PRKDC: variants seen among roughly 807,000 people sequenced by gnomAD.
The protein encoded by PRKDC is protein kinase, DNA-activated, catalytic subunit.
In PRKDC, 82 loss-of-function variants were observed where a neutral mutation model predicts 486.9. That is an observed-to-expected ratio of 0.17 (90% CI 0.14 to 0.20). The LOEUF (loss-of-function observed/expected upper bound fraction) is 0.20. Ranked by LOEUF, PRKDC falls within the 10% of genes least tolerant of loss-of-function variation. The probability of loss-of-function intolerance (pLI) is 1.00; values close to 1 mark genes in which losing one functional copy is unlikely to be tolerated. For missense variants in PRKDC, 4,504 were observed against 5,038.2 expected (o/e 0.89, Z 3.21); for synonymous variants, 1,895 against 1,837.0 (o/e 1.03, Z -0.81).
At chr8:47,939,441 G>A (rs1031406734) in intron 11 of PRKDC, 110 bp downstream of exon 11, 3 of 1,243,486 alleles carry the variant, frequency 2.4e-6, no homozygotes, top group Non-Finnish European at 3.4e-6. Flanking sequence ...TTATTCAAGG[G>A]TCTACTGTAT....
chr8:47,792,823 T>G (rs1439035225), intron 74 of PRKDC, among the ~76,000 whole-genome samples: 1 of 152,188 alleles, frequency 6.6e-6, no homozygotes, highest in Non-Finnish European at 1.5e-5. Flanking sequence ...ATGTTGACGT[T>G]TTGACGTATA....
chr8:47,782,193 T>C lies in PRKDC; in HGVS notation c.11458A>G (p.Met3820Val), dbSNP rs878894087. The C allele has an allele frequency of 6.2e-7, 1 of 1,613,768 alleles. No homozygotes were observed. The highest frequency in any genetic ancestry group is 1.7e-5 in the Admixed American group (1 of 59,996). The change falls in exon 80 of 86, where the codon ATG becomes GTG. Residue 3820 changes from methionine to valine, a missense_variant. By Grantham distance (21) the Met-to-Val change is conservative. Coordinates refer to ENST00000314191, the MANE Select transcript of PRKDC (RefSeq NM_006904.7). The surrounding 1 kb of genome is among the most constrained non-coding windows in gnomAD (Gnocchi z 4.9). Reference protein sequence around the residue: ...VTLKDLLLNTMSQEEKAAYLS... With the variant: ...VTLKDLLLNTVSQEEKAAYLS... ...TAAGCCGCCTTCTCCTCTTGGGACA[T>C]GGTGTTCAAAAGAAGGTCCTTCAAG...
intron 73 of PRKDC, among the ~76,000 whole-genome samples, chr8:47,796,191 T>A (rs545520865): frequency 1.1e-3 from 167 of 152,142 alleles, no homozygotes; most frequent in African/African-American, 3.7e-3. Context: ...CGGTAAAGAA[T>A]TTTTCAAATT....
At chr8:47,934,188 T>C (rs2090307373) in intron 14 of PRKDC, 98 bp from the exon 15 acceptor site, 12 of 1,374,216 alleles carry the variant, frequency 8.7e-6, no homozygotes, top group Non-Finnish European at 1.2e-5. Context: ...TAAATTAAAC[T>C]GCCACCCATA....
At chr8:47,885,875 G>A in intron 36 of PRKDC, 69 bp downstream of exon 36, 1 of 1,489,248 alleles carries the variant, frequency 6.7e-7, no homozygotes, top group Non-Finnish European at 9.3e-7. Context: ...CTGGGCGAAA[G>A]TGCAAGACTC....
Position 47,929,122 on chromosome 8 carries a change from G to A in PRKDC, c.2109C>T (p.Cys703=), listed in dbSNP as rs1397746607. 3 of 1,575,762 alleles carry A rather than the reference G, an allele frequency of 1.9e-6. No individual in the cohort carries two copies. The highest frequency in any genetic ancestry group is 1.2e-5 in the South Asian group (1 of 85,830). Reference sequence around the variant, plus strand: ...TGCCAAATTTCACAAATAAAGCAAAGCAAGAATACTTTTCTGGGTCTTCAG... The same window carrying A: ...TGCCAAATTTCACAAATAAAGCAAAACAAGAATACTTTTCTGGGTCTTCAG... ...HSPEDPEKYS[C]FALFVKFGKE... is the part of the protein sequence containing the mutation. The change falls in exon 19 of 86, where the codon TGC becomes TGT. Residue 703 remains cysteine, a synonymous_variant. Transcript: ENST00000314191.
At chr8:47,814,153 G>T (rs760646642) in intron 68 of PRKDC, among the ~76,000 whole-genome samples, 13 of 152,142 alleles carry the variant, frequency 8.5e-5, no homozygotes, top group Non-Finnish European at 1.8e-4. Context: ...TGCAGAAAAA[G>T]TGTTTGATAA....
intron 74 of PRKDC, among the ~76,000 whole-genome samples, chr8:47,792,703 C>A (rs2086902501): frequency 6.6e-6 from 1 of 152,092 alleles, no homozygotes; most frequent in Admixed American, 6.6e-5. Flanking sequence ...ATGCCTGTAT[C>A]AAAATATCCC....
At chr8:47,851,209 T>C (rs555190556) in intron 52 of PRKDC, among the ~76,000 whole-genome samples, 47 of 152,384 alleles carry the variant, frequency 3.1e-4, no homozygotes, top group African/African-American at 9.9e-4. Flanking sequence ...AGAAGTGTTT[T>C]TTATTCTTAA....
At chr8:47,882,167 T>G (rs1214181244) in intron 36 of PRKDC, 70 bp from the exon 37 acceptor site, 20 of 1,407,248 alleles carry the variant, frequency 1.4e-5, no homozygotes, top group Admixed American at 2.0e-5. Context: ...AAATTTACCT[T>G]TATTTCAAAG....
At chr8:47,950,987 A>T (rs188914386) in intron 7 of PRKDC, among the ~76,000 whole-genome samples, 1 of 152,054 alleles carries the variant, frequency 6.6e-6, no homozygotes, top group Admixed American at 6.6e-5. Flanking sequence ...TTAAAAAAAT[A>T]AAAAAAATAA....
intron 39 of PRKDC, 145 bp downstream of exon 39, chr8:47,879,346 G>A: frequency 1.4e-6 from 1 of 705,016 alleles, no homozygotes; most frequent in Non-Finnish European, 2.2e-6. Context: ...TACAAGCTTT[G>A]TGTAGAAAGA....
intron 40 of PRKDC, among the ~76,000 whole-genome samples, chr8:47,865,186 G>A (rs569291307): frequency 5.0e-4 from 76 of 152,280 alleles, no homozygotes; most frequent in African/African-American, 1.8e-3. Flanking sequence ...AGGAGATCGA[G>A]ACCACCCTGG....
At chr8:47,924,280 T>G (rs866822311) in intron 21 of PRKDC, among the ~76,000 whole-genome samples, 1 of 152,096 alleles carries the variant, frequency 6.6e-6, no homozygotes, top group African/African-American at 2.4e-5. Context: ...GGTGTGGGTC[T>G]GGGCATGGTA....
At position 47,855,314 on chromosome 8, in the gene PRKDC, G is replaced by A; in HGVS notation, c.6669C>T (p.Val2223=). 6.2e-7 allele frequency: 1 copy of A among 1,600,558 alleles called. No individual in the cohort carries two copies. The highest frequency in any genetic ancestry group is 8.5e-7 in the Non-Finnish European group (1 of 1,172,506). Residue 2223 remains valine (V), a synonymous_variant, in exon 50 of 86, where the codon GTC becomes GTT. Coordinates refer to ENST00000314191, the MANE Select transcript of PRKDC (RefSeq NM_006904.7). The part of the protein sequence containing the change: ...NRLLNFLMKH[V]FHPKRAVFRH... ...TAAACACAGCTCTTTTTGGATGAAA[G>A]ACATGTTTCATTAGGAAATTAAGCA...
In PRKDC at chr8:47,888,878, T is replaced by C. The variant is rs1051294196; in HGVS notation, c.4280+136A>G. 2.3e-5 allele frequency: 25 copies of C among 1,080,366 alleles called. 1 individual carries two copies. The highest frequency in any genetic ancestry group is 1.6e-4 in the South Asian group (10 of 61,092). 66.9% of individuals were successfully genotyped at this position (1,080,366 alleles called of 1,614,324 possible). A position where few individuals can be genotyped will look rare whatever the true frequency, so the allele number is the denominator to read the frequency against. ...GTTAAATGTGTTTTCTAAACAACTA[T>C]TGAGGTCACTGGCAGCAAACATCCC... On this transcript the variant is annotated intron_variant, in intron 33 of 85. Transcript: ENST00000314191.
chr8:47,803,449 T>C lies in PRKDC; in HGVS notation c.9779A>G (p.Lys3260Arg), dbSNP rs749022317. Reference sequence around the variant, plus strand: ...GGTTTTTGACTCTTTATGCAGCTCCTTCAGTAGTTTCATAGCAAGTGAGAA... The same window carrying C: ...GGTTTTTGACTCTTTATGCAGCTCCCTCAGTAGTTTCATAGCAAGTGAGAA... Reference protein sequence around the residue: ...NNFSLAMKLLKELHKESKTRD... With the variant: ...NNFSLAMKLLRELHKESKTRD... Residue 3260 changes from lysine (K) to arginine (R), a missense_variant, in exon 70 of 86, where the codon AAG becomes AGG. Physicochemically the swap from Lys to Arg is conservative, Grantham distance 26. This residue lies in a region of PRKDC where 1,592 missense variants were observed against 1,724.6 expected (regional missense o/e 0.92). Coordinates refer to ENST00000314191, the MANE Select transcript of PRKDC (RefSeq NM_006904.7). The C allele has an allele frequency of 3.7e-6, 6 of 1,613,982 alleles. No individual in the cohort carries two copies. Among genetic ancestry groups the C allele is most frequent in the Non-Finnish European group, 5.1e-6 (6 of 1,179,870 alleles).
At chr8:47,862,219 T>C (rs2088694460) in intron 43 of PRKDC, 92 bp from the exon 44 acceptor site, 5 of 1,365,422 alleles carry the variant, frequency 3.7e-6, no homozygotes, top group South Asian at 2.7e-5. Context: ...TAATAGCTCA[T>C]GGAAAAGCAC....
chr8:47,783,679 G>C, intron 78 of PRKDC, 63 bp downstream of exon 78: 2 of 1,529,258 alleles, frequency 1.3e-6, no homozygotes, highest in Non-Finnish European at 1.8e-6. Context: ...AAGGCAAACA[G>C]ATCATTCTCA....
Sources: allele counts gnomAD v4.1 joint callset (sites outside exome capture counted in the v4.1 genomes callset), GRCh38; gene constraint gnomAD v4.1.1; regional missense constraint gnomAD v4.1.1; non-coding constraint Gnocchi (gnomAD v3.1); transcripts MANE v1.5; gene names NCBI Gene and HGNC (gene_info 2026-07-23, HGNC 2026-07-21).